The following RGS12 variants were observed in gnomAD, a reference collection of about 807,000 sequenced individuals.
RGS12 encodes the protein regulator of G-protein signaling 12.
A neutral mutation model predicts 120.1 loss-of-function variants in RGS12; 66 were observed. That is an observed-to-expected ratio of 0.55 (90% confidence interval 0.45 to 0.67). RGS12 has a LOEUF of 0.67. Ranked by LOEUF, RGS12 falls within the 30% of genes least tolerant of loss-of-function variation. The pLI is 0.00. For missense variants in RGS12, 1,859 were observed against 1,957.7 expected (o/e 0.95, Z 0.95); for synonymous variants, 827 against 804.7 (o/e 1.03, Z -0.47).
chr4:3,311,066 C>T (rs565444813), intron 1 of RGS12, among the ~76,000 whole-genome samples: 4 of 152,184 alleles, frequency 2.6e-5, no homozygotes, highest in East Asian at 1.9e-4. Flanking sequence ...CTGGCCGTGG[C>T]GGCTGCCATT....
At chr4:3,343,222 C>A (rs1216191405) in intron 3 of RGS12, 169 bp downstream of exon 3, 2 of 576,914 alleles carry the variant, frequency 3.5e-6, no homozygotes, top group Admixed American at 3.0e-5. Flanking sequence ...CATTTGGGAA[C>A]CTTTCTACCC....
chr4:3,317,986 G>A lies in RGS12; in HGVS notation c.1816G>A (p.Ala606Thr), dbSNP rs758645270. The change falls in exon 2 of 18, where the codon GCC becomes ACC. Residue 606 changes from alanine to threonine, a missense_variant. Ala to Thr is a moderately conservative substitution (Grantham distance 58). Transcript: ENST00000336727. ...NAPKREWSRK[A>T]FGMQSIFGPH... ...CCCGAAGAGGGAGTGGTCCAGGAAG[G>A]CCTTTGGAATGCAAAGCATTTTTGG... The A allele has an allele frequency of 1.9e-6, 3 of 1,611,642 alleles. No homozygotes were observed. In the African/African-American group the frequency reaches 4.0e-5, roughly 22 times the overall value.
intron 4 of RGS12, among the ~76,000 whole-genome samples, chr4:3,409,757 C>T (rs1721534976): frequency 6.6e-6 from 1 of 152,230 alleles, no homozygotes; most frequent in Non-Finnish European, 1.5e-5. Context: ...AAAGCGTCAG[C>T]AACCGTGGGG....
chr4:3,428,485 C>T (rs1723910429), intron 15 of RGS12, 73 bp from the exon 16 acceptor site: 7 of 1,294,428 alleles, frequency 5.4e-6, no homozygotes, highest in South Asian at 1.4e-5. Context: ...GAGCCTTCTA[C>T]TCTCTAACTA....
intron 4 of RGS12, among the ~76,000 whole-genome samples, chr4:3,395,223 G>A (rs77569279): frequency 2.0e-5 from 3 of 147,680 alleles, no homozygotes; most frequent in Non-Finnish European, 3.0e-5. Flanking sequence ...AAAAAAAAAA[G>A]ACTCAACGCA....
Position 3,414,156 on chromosome 4 carries a change from G to A in RGS12, c.2105G>A (p.Arg702Gln), listed in dbSNP as rs772009407. 12 of 1,559,866 alleles carry A rather than the reference G, an allele frequency of 7.7e-6. No homozygotes were observed. Among genetic ancestry groups the A allele is most frequent in the African/African-American group, 6.8e-5 (5 of 73,956 alleles). ...AGCCTCCCCAGCGTGCAGAGCTGCC[G>A]GCGCCTGCGTGAGAGGAGGGTCGCC... ...NASLPSVQSC[R>Q]RLRERRVASW... Residue 702 changes from arginine to glutamine, a missense_variant, in exon 5 of 18, where the codon CGG becomes CAG. Coordinates refer to ENST00000336727, the MANE Select transcript of RGS12 (RefSeq NM_001394154.1).
In RGS12 at chr4:3,366,480, G is replaced by A. The variant is rs535477462; in HGVS notation, c.1999-19936G>A. Reference sequence around the variant, plus strand: ...CACAGTCAGCAGAGGCGCTCCTCCAGTTCCCGCCTCTCTGCCTCGCACGCC... The same window carrying A: ...CACAGTCAGCAGAGGCGCTCCTCCAATTCCCGCCTCTCTGCCTCGCACGCC... On this transcript the variant is annotated intron_variant, in intron 3 of 17. Transcript: ENST00000336727. This position sits in a 1 kb window ranked among gnomAD's most constrained non-coding sequence, Gnocchi z 4.0. 6.6e-6 allele frequency among the ~76,000 whole-genome samples: 1 copy of A among 152,200 alleles called. No homozygotes were observed. The highest frequency in any genetic ancestry group is 1.5e-5 in the Non-Finnish European group (1 of 68,022).
At chr4:3,403,324 A>G (rs924890177) in intron 4 of RGS12, among the ~76,000 whole-genome samples, 5 of 152,150 alleles carry the variant, frequency 3.3e-5, no homozygotes, top group African/African-American at 1.2e-4. Context: ...GAAGTACACT[A>G]TATCTCGAGG....
chr4:3,366,424 A>G lies in RGS12; in HGVS notation c.1999-19992A>G, dbSNP rs775088065. 1.3e-5 allele frequency among the ~76,000 whole-genome samples: 2 copies of G among 152,184 alleles called. No individual in the cohort carries two copies. Among genetic ancestry groups the G allele is most frequent in the East Asian group, 3.9e-4 (2 of 5,160 alleles). On this transcript the variant is annotated intron_variant, in intron 3 of 17. Transcript: ENST00000336727. The surrounding 1 kb of genome is among the most constrained non-coding windows in gnomAD (Gnocchi z 4.0). ...AGGGAGAGAATCAGGGCCTGTGCTC[A>G]TATCTGTGAGCTCTGCAGATGTCTC...
intron 3 of RGS12, chr4:3,378,054 T>C (rs1182888500): frequency 6.6e-6 from 1 of 152,206 alleles, no homozygotes; most frequent in East Asian, 1.9e-4. Context: ...TATATGGAAA[T>C]TTGGGAAGAA....
chr4:3,350,045 G>A (rs552998478), intron 3 of RGS12, among the ~76,000 whole-genome samples: 55 of 152,234 alleles, frequency 3.6e-4, no homozygotes, highest in Middle Eastern at 3.4e-3. Context: ...GAAAAAGCTA[G>A]TCTTCATTTC....
intron 3 of RGS12, among the ~76,000 whole-genome samples, chr4:3,353,090 C>T (rs1433099800): frequency 1.3e-5 from 2 of 152,210 alleles, no homozygotes; most frequent in African/African-American, 4.8e-5. Context: ...GTACTTTCCG[C>T]TTCTTGCTCA....
chr4:3,308,634 C>A (rs1708339247), intron 1 of RGS12, among the ~76,000 whole-genome samples: 1 of 152,234 alleles, frequency 6.6e-6, no homozygotes, highest in South Asian at 2.1e-4. Flanking sequence ...GCTCTGTGTT[C>A]TTAGGTGTCT....
intron 2 of RGS12, among the ~76,000 whole-genome samples, chr4:3,337,688 G>A (rs1712626465): frequency 6.6e-6 from 1 of 152,144 alleles, no homozygotes; most frequent in South Asian, 2.1e-4. Flanking sequence ...GAGGGGGCCT[G>A]GGGGAGGGGA....
At chr4:3,332,435 A>C (rs1711962550) in intron 2 of RGS12, among the ~76,000 whole-genome samples, 1 of 152,182 alleles carries the variant, frequency 6.6e-6, no homozygotes, top group African/African-American at 2.4e-5. Context: ...CATTGTGTGA[A>C]TCTACTGCTA....
chr4:3,362,294 C>G (rs1198636849), intron 3 of RGS12, among the ~76,000 whole-genome samples: 2 of 152,148 alleles, frequency 1.3e-5, no homozygotes, highest in Non-Finnish European at 2.9e-5. Flanking sequence ...GGCACATTTT[C>G]CCTTAGCTGT....
chr4:3,311,226 C>T (rs1169304343), intron 1 of RGS12, among the ~76,000 whole-genome samples: 6 of 152,282 alleles, frequency 3.9e-5, no homozygotes, highest in East Asian at 1.9e-4. Context: ...GCAGTGCGGA[C>T]GGGTGCTGGC....
chr4:3,323,302 C>T (rs960111809), intron 2 of RGS12, among the ~76,000 whole-genome samples: 1 of 152,216 alleles, frequency 6.6e-6, no homozygotes, highest in African/African-American at 2.4e-5. Flanking sequence ...TTGTTCATGA[C>T]GACATACCCA....
At chr4:3,352,278 G>C (rs1714430704) in intron 3 of RGS12, among the ~76,000 whole-genome samples, 1 of 152,148 alleles carries the variant, frequency 6.6e-6, no homozygotes, top group African/African-American at 2.4e-5. Context: ...GTAAAAAAGA[G>C]CTTCTAACAA....
Sources: allele counts gnomAD v4.1 joint callset (sites outside exome capture counted in the v4.1 genomes callset), GRCh38; gene constraint gnomAD v4.1.1; non-coding constraint Gnocchi (gnomAD v3.1); transcripts MANE v1.5; gene names NCBI Gene and HGNC (gene_info 2026-07-23, HGNC 2026-07-21).